SCNN1B: variants seen among roughly 807,000 people sequenced by gnomAD.
SCNN1B encodes the protein epithelial sodium channel subunit beta.
Under a neutral mutation model 65.3 loss-of-function variants are expected in SCNN1B, and 46 were observed. The observed-to-expected ratio is 0.70, with a 90% confidence interval of 0.56 to 0.90. The LOEUF is 0.90. Ranked by LOEUF, SCNN1B falls within the 40% of genes least tolerant of loss-of-function variation. The pLI is 0.00. For missense variants in SCNN1B, 751 were observed against 830.5 expected (o/e 0.90, Z 1.18); for synonymous variants, 349 against 330.6 (o/e 1.06, Z -0.60).
upstream of SCNN1B, among the ~76,000 whole-genome samples, chr16:23,301,144 A>C (rs1961073683): frequency 6.6e-6 from 1 of 152,040 alleles, no homozygotes; most frequent in African/African-American, 2.4e-5. Context: ...CGGGTGGATC[A>C]CTTGAGTCCA....
chr16:23,310,011 A>T (rs540609322), intron 1 of SCNN1B, among the ~76,000 whole-genome samples: 8 of 152,264 alleles, frequency 5.3e-5, no homozygotes, highest in African/African-American at 9.6e-5. Context: ...CAGGTTGGGG[A>T]CAGTCATATC....
chr16:23,297,577 G>A (rs1368816777), upstream of SCNN1B, among the ~76,000 whole-genome samples: 1 of 152,154 alleles, frequency 6.6e-6, no homozygotes, highest in Non-Finnish European at 1.5e-5. Context: ...TTATTATACA[G>A]CCTCTTCCAA....
chr16:23,371,269 C>A, intron 5 of SCNN1B, 30 bp from the exon 6 acceptor site: 1 of 1,612,770 alleles, frequency 6.2e-7, no homozygotes, highest in South Asian at 1.1e-5. Context: ...GGAGAAAGTT[C>A]AGGCAGCCCT....
intron 1 of SCNN1B, among the ~76,000 whole-genome samples, chr16:23,281,779 T>A (rs775170092): frequency 2.6e-5 from 4 of 152,178 alleles, no homozygotes; most frequent in Non-Finnish European, 5.9e-5. Flanking sequence ...ATGGACTGTA[T>A]GAAAATCAGA....
intron 1 of SCNN1B, among the ~76,000 whole-genome samples, chr16:23,318,402 A>T (rs952943004): frequency 9.2e-5 from 14 of 152,128 alleles, no homozygotes; most frequent in African/African-American, 3.4e-4. Context: ...TGAGGTCAGG[A>T]GTTTGAGACC....
At chr16:23,283,065 A>G (rs1240760134) in intron 1 of SCNN1B, among the ~76,000 whole-genome samples, 1 of 152,246 alleles carries the variant, frequency 6.6e-6, no homozygotes, top group Admixed American at 6.5e-5. Context: ...TGCATTTGAT[A>G]TACCTGACCT....
chr16:23,281,191 G>A (rs575882275), intron 1 of SCNN1B, among the ~76,000 whole-genome samples: 12 of 152,300 alleles, frequency 7.9e-5, no homozygotes, highest in Non-Finnish European at 1.5e-4. Context: ...CCAACACTTT[G>A]GGAGGCCAAA....
intron 1 of SCNN1B, among the ~76,000 whole-genome samples, chr16:23,309,415 GAT>G (rs1195133807): frequency 1.2e-5 from 1 of 86,858 alleles, no homozygotes; most frequent in South Asian, 3.6e-4. Context: ...AATGATGATA[GAT>G]AGATAGATAG....
In SCNN1B at chr16:23,303,440, T is replaced by C. The variant is rs150553066; in HGVS notation, c.-9+1003T>C. Reference sequence around the variant, plus strand: ...GTGAGTGACCCAACCTGCCTACCCATTGAGCTGTGTAATTCCATGCAGAAC... The same window carrying C: ...GTGAGTGACCCAACCTGCCTACCCACTGAGCTGTGTAATTCCATGCAGAAC... On this transcript the variant is annotated intron_variant, in intron 1 of 12. Coordinates refer to ENST00000343070, the MANE Select transcript of SCNN1B (RefSeq NM_000336.3). Among the ~76,000 whole-genome samples the C allele has an allele frequency of 8.5e-5, 13 of 152,134 alleles. No homozygotes were observed. The East Asian group carries it at 2.1e-3, about 25-fold the overall frequency.
chr16:23,334,628 G>A (rs577755468), intron 1 of SCNN1B, among the ~76,000 whole-genome samples: 7 of 152,294 alleles, frequency 4.6e-5, no homozygotes, highest in African/African-American at 9.6e-5. Context: ...CAGCTCTTGT[G>A]GTAAAGCTGT....
rs758983451 is a variant in SCNN1B, at chr16:23,378,762, G to T, written c.1461G>T (p.Leu487=). The stretch of plus-strand genomic sequence containing the variant: ...GGGACCAAAGCACCAATATCACCCT[G>T]AGCAGGTGAGCCTGAGCCTGGGCGG... ...QERDQSTNIT[L]SRKGIVKLNI... is the part of the protein sequence containing the mutation. The change falls in exon 11 of 13, where the codon CTG becomes CTT. Residue 487 remains leucine (L), a synonymous_variant. Coordinates refer to ENST00000343070, the MANE Select transcript of SCNN1B (RefSeq NM_000336.3). The T allele has an allele frequency of 1.9e-6, 3 of 1,614,098 alleles. No homozygotes were observed. Among genetic ancestry groups the T allele is most frequent in the Non-Finnish European group, 2.5e-6 (3 of 1,179,970 alleles).
At chr16:23,356,270 C>T (rs62029385) in intron 4 of SCNN1B, among the ~76,000 whole-genome samples, 13,178 of 152,224 alleles carry the variant, frequency 0.087, 630 homozygotes, top group Middle Eastern at 0.14. Context: ...GAACAATAAT[C>T]GTAGCTTCTT....
At chr16:23,377,776 T>C (rs1275038601) in intron 10 of SCNN1B, among the ~76,000 whole-genome samples, 3 of 100,258 alleles carry the variant, frequency 3.0e-5, no homozygotes, top group South Asian at 6.5e-4. Context: ...CCTCCTTTCT[T>C]CCTCCCTCCC....
rs1184138005 is a variant in SCNN1B at position 23,334,556 on chromosome 16, C to T, written c.-8-14036C>T. Among the ~76,000 whole-genome samples, 4 of 152,278 alleles carry T rather than the reference C, an allele frequency of 2.6e-5. No individual in the cohort carries two copies. The East Asian group carries it at 5.8e-4, about 22-fold the overall frequency. ...CTCACCTGAAACCCTGAGGCACACC[C>T]GTCTGGACTGCCCTAGTCCTGCCTT... is the stretch of plus-strand genomic sequence containing the variant. On this transcript the variant is annotated intron_variant, in intron 1 of 12. Coordinates refer to ENST00000343070, the MANE Select transcript of SCNN1B (RefSeq NM_000336.3).
chr16:23,328,766 T>C (rs16951785), intron 1 of SCNN1B, among the ~76,000 whole-genome samples: 4,734 of 152,296 alleles, frequency 0.031, 94 homozygotes, highest in Middle Eastern at 0.048. Context: ...ACCCATGCTA[T>C]ACCTTGAGCG....
Position 23,380,413 on chromosome 16 carries a change from C to A in SCNN1B, c.1543-8C>A. 6.2e-7 allele frequency: 1 copy of A among 1,614,088 alleles called. No homozygotes were observed. Among genetic ancestry groups the A allele is most frequent in the South Asian group, 1.1e-5 (1 of 91,086 alleles). Reference sequence around the variant, plus strand: ...CCTGAGCTCACCCCAGCTCCCTGTTCCCCACAGATCGTCTGGCTGCTCTCG... The same window carrying A: ...CCTGAGCTCACCCCAGCTCCCTGTTACCCACAGATCGTCTGGCTGCTCTCG... On this transcript the variant is annotated splice_region_variant and splice_polypyrimidine_tract_variant and intron_variant, in intron 12 of 12. Transcript: ENST00000343070. This position sits in a 1 kb window ranked among gnomAD's most constrained non-coding sequence, Gnocchi z 5.4.
chr16:23,278,958 A>G (rs1172428136), intron 1 of SCNN1B, among the ~76,000 whole-genome samples: 1 of 151,864 alleles, frequency 6.6e-6, no homozygotes, highest in East Asian at 1.9e-4. Flanking sequence ...TAAAAAATGA[A>G]ATGAAATGGC....
intron 1 of SCNN1B, among the ~76,000 whole-genome samples, chr16:23,335,272 T>C (rs903601143): frequency 2.0e-5 from 3 of 152,190 alleles, no homozygotes; most frequent in African/African-American, 7.2e-5. Context: ...GCCACTCAGT[T>C]CCTTTCTTGA....
At chr16:23,353,332 G>A (rs1567308144) in intron 3 of SCNN1B, 1 of 541,766 alleles carries the variant, frequency 1.8e-6, no homozygotes, top group African/African-American at 1.9e-5. Flanking sequence ...AAGAAATCCA[G>A]AGGTATACTG....
Sources: allele counts gnomAD v4.1 joint callset (sites outside exome capture counted in the v4.1 genomes callset), GRCh38; gene constraint gnomAD v4.1.1; non-coding constraint Gnocchi (gnomAD v3.1); transcripts MANE v1.5; gene names NCBI Gene and HGNC (gene_info 2026-07-23, HGNC 2026-07-21).